The following FAM98B variants were observed in gnomAD, a reference collection of about 807,000 sequenced individuals.
FAM98B encodes the protein tRNA-splicing ligase complex subunit FAM98B.
Under a neutral mutation model 43.9 loss-of-function variants are expected in FAM98B, and 32 were observed. The ratio of observed to expected loss-of-function variants is 0.73; its 90% CI spans 0.55 to 0.98. FAM98B has a LOEUF of 0.98. FAM98B is among the 50% of genes least tolerant of loss of function. FAM98B has a pLI of 0.00. For missense variants in FAM98B, 514 were observed against 522.9 expected, an observed-to-expected ratio of 0.98 and a Z score of 0.17; for synonymous variants, 190 against 174.0, an observed-to-expected ratio of 1.09 and a Z score of -0.72.
Position 38,465,420 on chromosome 15 carries a change from A to G in FAM98B, c.352+17A>G, listed in dbSNP as rs2056082751. The G allele has an allele frequency of 6.4e-7, 1 of 1,556,124 alleles. No individual in the cohort carries two copies. The highest frequency in any genetic ancestry group is 8.7e-7 in the Non-Finnish European group (1 of 1,154,204). The stretch of plus-strand genomic sequence containing the variant: ...AACTTCTATGTAAGTTATCTTGAAC[A>G]TTTAAATGCATGTGTTTGACATGGT... On this transcript the variant is annotated intron_variant, in intron 3 of 7. Transcript: ENST00000397609.
intron 3 of FAM98B, among the ~76,000 whole-genome samples, chr15:38,466,650 A>G (rs545182432): frequency 2.0e-5 from 3 of 152,314 alleles, no homozygotes; most frequent in South Asian, 4.1e-4. Context: ...TTTAATGGGT[A>G]CAGAGTTTCA....
Position 38,484,617 on chromosome 15 carries a change from TG to T in FAM98B, c.1262del (p.Gly421ValfsTer19). 3.5e-6 allele frequency: 4 copies of T among 1,158,252 alleles called. No individual in the cohort carries two copies. In the Admixed American group the frequency reaches 9.4e-5, roughly 27 times the overall value. 71.7% of individuals were successfully genotyped at this position (1,158,252 alleles called of 1,614,324 possible). A position where few individuals can be genotyped will look rare whatever the true frequency, so the allele number is the denominator to read the frequency against. On this transcript the variant is annotated frameshift_variant, in exon 8 of 8. Coordinates refer to ENST00000397609, the MANE Select transcript of FAM98B (RefSeq NM_173611.4). LOFTEE classifies it high-confidence loss of function. ...ATCCATATGGAGGAGGTGGTGGTGG[TG>T]GTGGTGGTGGTGGTGGAGGAGGTGG... ...GDPYGGGGGG[G>X]GGGGGGGGYR...
At chr15:38,454,300 C>A in intron 1 of FAM98B, 68 bp downstream of exon 1, 2 of 1,511,118 alleles carry the variant, frequency 1.3e-6, no homozygotes, top group Non-Finnish European at 1.8e-6. Flanking sequence ...GCTTAGCCTA[C>A]TTCCCTTGGG....
intron 1 of FAM98B, chr15:38,459,294 T>C: frequency 2.0e-6 from 1 of 498,206 alleles, no homozygotes; most frequent in Non-Finnish European, 4.0e-6. Flanking sequence ...GTCCCTGGGA[T>C]CCGATAAAAC....
intron 3 of FAM98B, among the ~76,000 whole-genome samples, chr15:38,469,297 T>C (rs1890087141): frequency 6.6e-6 from 1 of 152,204 alleles, no homozygotes; most frequent in Non-Finnish European, 1.5e-5. Flanking sequence ...TAAATATGGC[T>C]ATTGAAAGGA....
At chr15:38,466,886 G>T (rs561152349) in intron 3 of FAM98B, among the ~76,000 whole-genome samples, 1 of 151,958 alleles carries the variant, frequency 6.6e-6, no homozygotes, top group Non-Finnish European at 1.5e-5. Context: ...TCTCACACTC[G>T]CACTCACTCT....
At chr15:38,484,062 A>T (rs1890326712) in intron 7 of FAM98B, among the ~76,000 whole-genome samples, 193 bp from the exon 8 acceptor site, 1 of 151,920 alleles carries the variant, frequency 6.6e-6, no homozygotes, top group Admixed American at 6.6e-5. Context: ...TCTAGCCGTG[A>T]TTTTGTATCC....
chr15:38,465,271 A>G lies in FAM98B; in HGVS notation c.220A>G (p.Arg74Gly), dbSNP rs1265115248. 1 of 1,603,332 alleles carries G rather than the reference A, an allele frequency of 6.2e-7. No homozygotes were observed. Among genetic ancestry groups the G allele is most frequent in the South Asian group, 1.1e-5 (1 of 88,544 alleles). ...NLEESITSAGRDDLESFQLEI... is the reference protein window; with the variant it reads ...NLEESITSAGGDDLESFQLEI... ...TTTATGATTTTTCTTTTTTAAAGGA[A>G]GAGATGATCTAGAGAGCTTCCAGCT... The change falls in exon 3 of 8, where the codon AGA becomes GGA. Residue 74 changes from arginine (R) to glycine (G), a missense_variant and splice_region_variant. Transcript: ENST00000397609.
intron 4 of FAM98B, chr15:38,470,810 G>T (rs1890119666): frequency 6.4e-6 from 1 of 155,370 alleles, no homozygotes; most frequent in African/African-American, 2.4e-5. Flanking sequence ...GGTTTCTTTG[G>T]CAGTGAGCAT....
At chr15:38,478,752 C>T (rs1319333748) in intron 6 of FAM98B, among the ~76,000 whole-genome samples, 1 of 152,092 alleles carries the variant, frequency 6.6e-6, no homozygotes, top group Admixed American at 6.6e-5. Flanking sequence ...GCCCTTCAAA[C>T]AGATTATAGT....
At chr15:38,459,159 T>G (rs1049073691) in intron 1 of FAM98B, 1 of 361,536 alleles carries the variant, frequency 2.8e-6, no homozygotes, top group Non-Finnish European at 5.4e-6. Context: ...AGTGGTCTCC[T>G]CAATCTCTGT....
chr15:38,477,193 G>A (rs1484478045), intron 6 of FAM98B, among the ~76,000 whole-genome samples: 2 of 151,602 alleles, frequency 1.3e-5, no homozygotes, highest in Non-Finnish European at 2.9e-5. Flanking sequence ...GTCGTTATTA[G>A]GGATGGTTAA....
At position 38,470,406 on chromosome 15, in the gene FAM98B, G is replaced by T; in HGVS notation, c.531+1G>T. 3 of 1,579,742 alleles carry T rather than the reference G, an allele frequency of 1.9e-6. No homozygotes were observed. Among genetic ancestry groups the T allele is most frequent in the Non-Finnish European group, 2.6e-6 (3 of 1,169,590 alleles). On this transcript the variant is annotated splice_donor_variant, in intron 4 of 7. Coordinates refer to ENST00000397609, the MANE Select transcript of FAM98B (RefSeq NM_173611.4). LOFTEE classifies it high-confidence loss of function. ...TATGCTAAACCAAGTGGAATCAAAGGTATTATCTTTGTTTTATTTTCCCCA... is the reference window on the plus strand; with the variant it reads ...TATGCTAAACCAAGTGGAATCAAAGTTATTATCTTTGTTTTATTTTCCCCA...
intron 1 of FAM98B, among the ~76,000 whole-genome samples, chr15:38,461,383 C>T (rs1252206794): frequency 6.6e-6 from 1 of 152,050 alleles, no homozygotes; most frequent in African/African-American, 2.4e-5. Flanking sequence ...CAGATTATTT[C>T]CTTAGTTTCC....
At chr15:38,480,728 A>G (rs1039218263) in intron 6 of FAM98B, among the ~76,000 whole-genome samples, 1 of 152,298 alleles carries the variant, frequency 6.6e-6, no homozygotes, top group African/African-American at 2.4e-5. Context: ...TAAGATGATG[A>G]TAATTTTGTA....
chr15:38,480,763 G>C (rs143930787), intron 6 of FAM98B, among the ~76,000 whole-genome samples: 1 of 151,984 alleles, frequency 6.6e-6, no homozygotes, highest in Non-Finnish European at 1.5e-5. Context: ...TATTTGGTAG[G>C]ATTATATTTC....
chr15:38,481,940 A>G (rs1890292761), intron 7 of FAM98B: 1 of 211,662 alleles, frequency 4.7e-6, no homozygotes, highest in Admixed American at 5.2e-5. Context: ...GATTTGGAGT[A>G]TACATCCATT....
At chr15:38,467,363 C>G (rs1021668494) in intron 3 of FAM98B, among the ~76,000 whole-genome samples, 1 of 152,050 alleles carries the variant, frequency 6.6e-6, no homozygotes, top group Admixed American at 6.6e-5. Flanking sequence ...AGATAAAAAT[C>G]CACTGGGAAA....
intron 2 of FAM98B, 54 bp downstream of exon 2, chr15:38,464,231 A>G (rs1176280942): frequency 1.3e-6 from 2 of 1,504,754 alleles, no homozygotes; most frequent in Non-Finnish European, 1.8e-6. Context: ...CTGATAACTT[A>G]CGGTTTATAG....
Sources: allele counts gnomAD v4.1 joint callset (sites outside exome capture counted in the v4.1 genomes callset), GRCh38; gene constraint gnomAD v4.1.1; transcripts MANE v1.5; gene names NCBI Gene and HGNC (gene_info 2026-07-23, HGNC 2026-07-21).